Variants in IFT88 observed in about 807,000 individuals in gnomAD.
The protein encoded by IFT88 is intraflagellar transport 88, also known as intraflagellar transport protein 88 homolog.
In IFT88, 74 loss-of-function variants were observed where a neutral mutation model predicts 119.5. The observed-to-expected ratio is 0.62, with a 90% CI of 0.51 to 0.75. The LOEUF is 0.75. Among genes scored for constraint, IFT88 ranks in the 30% least tolerant of loss-of-function variants. IFT88 has a pLI of 0.00. For missense variants in IFT88, 961 were observed against 977.7 expected (o/e 0.98, Z 0.23); for synonymous variants, 279 against 316.7 (o/e 0.88, Z 1.26).
chr13:20,608,965 A>G (rs3002170), intron 13 of IFT88, among the ~76,000 whole-genome samples: 25,002 of 152,018 alleles, frequency 0.16, 2,388 homozygotes, highest in African/African-American at 0.25. Flanking sequence ...TTCAAGCTCT[A>G]TTTCTATGGC....
chr13:20,648,891 G>A (rs934557730), intron 20 of IFT88, among the ~76,000 whole-genome samples: 1 of 152,082 alleles, frequency 6.6e-6, no homozygotes, highest in Non-Finnish European at 1.5e-5. Context: ...ATTATTGTCA[G>A]ACAAAACAGG....
At position 20,667,705 on chromosome 13, in the gene IFT88, G is replaced by C. The variant is rs545318536; in HGVS notation, c.2176-3268G>C. On this transcript the variant is annotated intron_variant, in intron 23 of 25. Transcript: ENST00000351808. Reference sequence around the variant, plus strand: ...GATCCGCCCACCTCGGCCTCCCAAAGTGCTGGGATTACAGGTGTGAGCCAC... The same window carrying C: ...GATCCGCCCACCTCGGCCTCCCAAACTGCTGGGATTACAGGTGTGAGCCAC... 1.3e-4 allele frequency among the ~76,000 whole-genome samples: 20 copies of C among 150,578 alleles called. No individual in the cohort carries two copies. The South Asian group carries it at 4.0e-3, about 30-fold the overall frequency.
intron 9 of IFT88, among the ~76,000 whole-genome samples, chr13:20,597,926 T>G (rs886759385): frequency 1.3e-5 from 2 of 151,960 alleles, no homozygotes; most frequent in Non-Finnish European, 2.9e-5. Context: ...TTTAGGCATA[T>G]AAAATAATGT....
At chr13:20,638,222 T>C (rs940979764) in intron 16 of IFT88, 110 bp from the exon 17 acceptor site, 1 of 571,436 alleles carries the variant, frequency 1.7e-6, no homozygotes, top group South Asian at 7.5e-5. Flanking sequence ...AATATTTTTG[T>C]TCATTACATT....
At chr13:20,592,816 G>A (rs2040932029) in intron 7 of IFT88, among the ~76,000 whole-genome samples, 2 of 152,184 alleles carry the variant, frequency 1.3e-5, no homozygotes, top group East Asian at 1.9e-4. Context: ...ACATAATTAT[G>A]TGAATTCCAT....
intron 5 of IFT88, 115 bp downstream of exon 5, chr13:20,591,135 A>G (rs1466345775): frequency 2.9e-6 from 2 of 697,974 alleles, no homozygotes; most frequent in Admixed American, 3.0e-5. Flanking sequence ...TATTACTTAT[A>G]TAGTGACCCA....
chr13:20,608,654 A>G (rs571949652), intron 13 of IFT88, among the ~76,000 whole-genome samples: 12 of 152,278 alleles, frequency 7.9e-5, no homozygotes, highest in African/African-American at 2.9e-4. Context: ...TAGGACCAAC[A>G]GGGTCACTGA....
At chr13:20,679,111 G>T (rs543335288) in intron 24 of IFT88, among the ~76,000 whole-genome samples, 1 of 152,014 alleles carries the variant, frequency 6.6e-6, no homozygotes, top group Non-Finnish European at 1.5e-5. Flanking sequence ...TTTCCCACTC[G>T]TGCTCTGTTT....
chr13:20,668,601 G>A (rs1052735064), intron 23 of IFT88, among the ~76,000 whole-genome samples: 4 of 152,004 alleles, frequency 2.6e-5, no homozygotes, highest in Non-Finnish European at 2.9e-5. Context: ...CATTCAGTTG[G>A]AAAAAAACAC....
intron 13 of IFT88, among the ~76,000 whole-genome samples, chr13:20,611,058 C>T (rs1177376278): frequency 6.6e-6 from 1 of 151,696 alleles, no homozygotes; most frequent in Non-Finnish European, 1.5e-5. Flanking sequence ...TGCCACTGCA[C>T]ACCAGCCTGG....
chr13:20,686,541 G>A (rs2057932285), intron 24 of IFT88, among the ~76,000 whole-genome samples: 1 of 134,260 alleles, frequency 7.4e-6, no homozygotes, highest in African/African-American at 2.7e-5. Flanking sequence ...AATAGCATCG[G>A]TGGTGTTAAA....
chr13:20,578,381 T>C (rs1359845891), intron 2 of IFT88, among the ~76,000 whole-genome samples: 9 of 142,584 alleles, frequency 6.3e-5, no homozygotes, highest in East Asian at 2.0e-4. Context: ...TTTTTTTTTT[T>C]CAGTCTTGTT....
At chr13:20,588,904 A>G (rs986526192) in intron 3 of IFT88, among the ~76,000 whole-genome samples, 18 of 152,124 alleles carry the variant, frequency 1.2e-4, no homozygotes, top group African/African-American at 3.6e-4. Context: ...TGAGATCACA[A>G]TCTGAAGCCT....
rs575095458 is a variant in IFT88, at chr13:20,616,945, G to T, written c.1199+1066G>T. Among the ~76,000 whole-genome samples the T allele has an allele frequency of 1.2e-3, 176 of 150,974 alleles. 1 individual carries two copies. The highest frequency in any genetic ancestry group is 3.1e-3 in the African/African-American group (127 of 41,182). On this transcript the variant is annotated intron_variant, in intron 14 of 25. Coordinates refer to ENST00000351808, the MANE Select transcript of IFT88 (RefSeq NM_006531.5). ...CAAAACTTTTTTTTGGTTTTTTTTT[G>T]TTGTTGTTGTTGTTTTGAGACAGAG... is the stretch of plus-strand genomic sequence containing the variant.
At chr13:20,631,254 C>T (rs1439388298) in intron 16 of IFT88, 152 bp downstream of exon 16, 2 of 580,224 alleles carry the variant, frequency 3.4e-6, no homozygotes, top group Admixed American at 2.7e-5. Flanking sequence ...CTGACAAGTG[C>T]CAGGCCAGGG....
intron 20 of IFT88, among the ~76,000 whole-genome samples, chr13:20,646,071 C>T (rs1002347408): frequency 2.6e-5 from 4 of 152,118 alleles, no homozygotes; most frequent in African/African-American, 7.2e-5. Flanking sequence ...AGGCTCAGTC[C>T]GCCACTGTTC....
intron 13 of IFT88, among the ~76,000 whole-genome samples, chr13:20,613,089 T>G (rs1284007246): frequency 6.6e-6 from 1 of 152,060 alleles, no homozygotes; most frequent in African/African-American, 2.4e-5. Context: ...ATAGATAAAT[T>G]GGACGTTATC....
chr13:20,606,255 C>G (rs2043428968), intron 13 of IFT88, among the ~76,000 whole-genome samples: 1 of 152,148 alleles, frequency 6.6e-6, no homozygotes, highest in Admixed American at 6.5e-5. Flanking sequence ...ATCCCCCAAC[C>G]CTTTCTCCTT....
At chr13:20,659,265 C>T (rs1020798912) in intron 22 of IFT88, among the ~76,000 whole-genome samples, 3 of 152,096 alleles carry the variant, frequency 2.0e-5, no homozygotes, top group Admixed American at 6.5e-5. Context: ...ACACCAAGGC[C>T]GGAGGATTGC....
Sources: allele counts gnomAD v4.1 joint callset (sites outside exome capture counted in the v4.1 genomes callset), GRCh38; gene constraint gnomAD v4.1.1; transcripts MANE v1.5; gene names NCBI Gene and HGNC (gene_info 2026-07-23, HGNC 2026-07-21).